The following SLC22A24 variants were observed in gnomAD, a reference collection of about 807,000 sequenced individuals.
The protein encoded by SLC22A24 is solute carrier family 22 member 24, also known as steroid transmembrane transporter SLC22A24.
Under a neutral mutation model 49.8 loss-of-function variants are expected in SLC22A24, and 53 were observed. The observed-to-expected ratio is 1.06, with a 90% CI of 0.85 to 1.34. The LOEUF is 1.34. SLC22A24 is among the 40% of genes most tolerant of loss of function. The probability of loss-of-function intolerance (pLI) is 0.00; values close to 1 mark genes in which losing one functional copy is unlikely to be tolerated. For synonymous variants in SLC22A24, 302 were observed against 256.4 expected, an observed-to-expected ratio of 1.18 and a Z score of -1.70; for missense variants, 786 against 675.9, an observed-to-expected ratio of 1.16 and a Z score of -1.81.
intron 5 of SLC22A24, 169 bp downstream of exon 5, chr11:63,104,006 C>A: frequency 1.7e-6 from 1 of 587,518 alleles, no homozygotes. Context: ...ATTTCAATAT[C>A]TATATCCAAA....
chr11:63,135,316 C>T (rs920054974), intron 1 of SLC22A24, among the ~76,000 whole-genome samples: 1 of 152,142 alleles, frequency 6.6e-6, no homozygotes, highest in Non-Finnish European at 1.5e-5. Flanking sequence ...AATACCGATG[C>T]CTAGATCCTG....
At chr11:63,110,756 G>A (rs369643259) in intron 4 of SLC22A24, among the ~76,000 whole-genome samples, 3,420 of 134,632 alleles carry the variant, frequency 0.025, 48 homozygotes, top group Non-Finnish European at 0.042. Context: ...GGGCTGAGAC[G>A]ATGGGGTTTT....
chr11:63,117,437 T>G (rs966747410), intron 4 of SLC22A24, among the ~76,000 whole-genome samples: 6 of 152,188 alleles, frequency 3.9e-5, no homozygotes, highest in Admixed American at 3.3e-4. Flanking sequence ...TCAGGCAGTT[T>G]ACATCTCTGC....
chr11:63,141,417 A>T (rs1423949043), intron 1 of SLC22A24, among the ~76,000 whole-genome samples: 2 of 152,198 alleles, frequency 1.3e-5, no homozygotes, highest in African/African-American at 4.8e-5. Flanking sequence ...CCTCCATCGG[A>T]GTAAAGGATA....
chr11:63,096,192 CAT>C (rs1399038804), intron 5 of SLC22A24, 86 bp from the exon 6 acceptor site: 12 of 846,082 alleles, frequency 1.4e-5, no homozygotes, highest in Non-Finnish European at 2.1e-5. Context: ...ACAAGATAGA[CAT>C]ATTGTAAACT....
chr11:63,098,208 A>G (rs1299960279), intron 5 of SLC22A24, among the ~76,000 whole-genome samples: 2 of 152,166 alleles, frequency 1.3e-5, no homozygotes, highest in Admixed American at 6.6e-5. Flanking sequence ...ATTAAACAAT[A>G]TGTTCCTGAA....
At chr11:63,095,208 G>A (rs1344943612) in intron 6 of SLC22A24, among the ~76,000 whole-genome samples, 2 of 151,822 alleles carry the variant, frequency 1.3e-5, no homozygotes, top group Non-Finnish European at 2.9e-5. Flanking sequence ...CTAGCCAGTT[G>A]AAGTGCACAT....
chr11:63,119,391 A>G, intron 2 of SLC22A24, 56 bp from the exon 3 acceptor site: 1 of 1,431,216 alleles, frequency 7.0e-7, no homozygotes, highest in Non-Finnish European at 9.3e-7. Flanking sequence ...CACGTGGAAA[A>G]CTTGACAAAC....
In SLC22A24 at chr11:63,081,038, G is replaced by A; in HGVS notation, c.1480C>T (p.Pro494Ser). ...PLLMTLMAYS[P>S]HLPWISYGVF... ...CCATAGGAAATCCAGGGTAGGTGGG[G>A]AGAATACGCCATTAAGGTCATCAAC... The change falls in exon 9 of 10, where the codon CCC becomes TCC. Residue 494 changes from proline (P) to serine (S), a missense_variant. Coordinates refer to ENST00000612278, the MANE Select transcript of SLC22A24 (RefSeq NM_001136506.2). The A allele has an allele frequency of 6.4e-7, 1 of 1,551,678 alleles. No homozygotes were observed. Among genetic ancestry groups the A allele is most frequent in the South Asian group, 1.2e-5 (1 of 84,064 alleles).
chr11:63,119,307 A>G lies in SLC22A24; in HGVS notation c.535T>C (p.Cys179Arg). ...TTAGAGATGGCCAGCTGGAGGAAAC[A>G]CAATTTGCATATGATCTTCCGTCCA... ...RVGRKIICKL[C>R]FLQLAISNTC... The change falls in exon 3 of 10, where the codon TGT becomes CGT. Residue 179 changes from cysteine (C) to arginine (R), a missense_variant. By Grantham distance (180) the Cys-to-Arg change is radical. Coordinates refer to ENST00000612278, the MANE Select transcript of SLC22A24 (RefSeq NM_001136506.2). 1 of 1,549,476 alleles carries G rather than the reference A, an allele frequency of 6.5e-7. No homozygotes were observed. Among genetic ancestry groups the G allele is most frequent in the South Asian group, 1.2e-5 (1 of 83,512 alleles).
At chr11:63,094,575 A>C (rs868470902) in intron 6 of SLC22A24, among the ~76,000 whole-genome samples, 1 of 151,998 alleles carries the variant, frequency 6.6e-6, no homozygotes, top group African/African-American at 2.4e-5. Context: ...CACAATGGTT[A>C]AACTAGTTTA....
intron 1 of SLC22A24, among the ~76,000 whole-genome samples, chr11:63,134,971 T>G (rs1438510697): frequency 6.6e-6 from 1 of 152,184 alleles, no homozygotes; most frequent in Non-Finnish European, 1.5e-5. Flanking sequence ...TTCAAATGCA[T>G]CTGTCTCTCT....
chr11:63,094,989 G>A (rs547320169), intron 6 of SLC22A24, among the ~76,000 whole-genome samples: 1 of 152,000 alleles, frequency 6.6e-6, no homozygotes, highest in African/African-American at 2.4e-5. Flanking sequence ...AGTTTAATTA[G>A]ATCCCATTTG....
intron 9 of SLC22A24, 115 bp from the exon 10 acceptor site, chr11:63,080,115 A>T: frequency 1.6e-6 from 1 of 639,638 alleles, no homozygotes; most frequent in Non-Finnish European, 2.7e-6. Flanking sequence ...ACCCACCAGC[A>T]TTGTAATCCA....
At chr11:63,109,299 A>G (rs74822232) in intron 4 of SLC22A24, among the ~76,000 whole-genome samples, 109,463 of 140,284 alleles carry the variant, frequency 0.78, 43,816 homozygotes, top group East Asian at 0.9. Flanking sequence ...TAATGCCACA[A>G]TAAACATACA....
At chr11:63,103,874 G>A (rs2087105088) in intron 5 of SLC22A24, among the ~76,000 whole-genome samples, 1 of 152,112 alleles carries the variant, frequency 6.6e-6, no homozygotes, top group South Asian at 2.1e-4. Flanking sequence ...AGGGGACCAT[G>A]AGTCAGTAAA....
intron 1 of SLC22A24, among the ~76,000 whole-genome samples, chr11:63,136,678 C>A (rs939694239): frequency 2.3e-4 from 35 of 152,206 alleles, no homozygotes; most frequent in Non-Finnish European, 4.4e-4. Flanking sequence ...TCTGTCTAGG[C>A]AGTGGACAAG....
chr11:63,080,624 G>A (rs777691314), intron 9 of SLC22A24, among the ~76,000 whole-genome samples: 31 of 152,176 alleles, frequency 2.0e-4, no homozygotes, highest in Non-Finnish European at 3.4e-4. Flanking sequence ...AGGAGTGTGT[G>A]TTTCCCACAA....
In SLC22A24 at chr11:63,136,515, T is replaced by C. The variant is rs143270558; in HGVS notation, c.403-1747A>G. ...TTGTGCCTTATCCACCATATTCACC[T>C]GACCTCTTGCCAACTGACTCCCACT... On this transcript the variant is annotated intron_variant, in intron 1 of 9. Coordinates refer to ENST00000612278, the MANE Select transcript of SLC22A24 (RefSeq NM_001136506.2). Among the ~76,000 whole-genome samples the C allele has an allele frequency of 5.3e-5, 8 of 152,364 alleles. No homozygotes were observed. The East Asian group carries it at 1.3e-3, about 26-fold the overall frequency.
Sources: allele counts gnomAD v4.1 joint callset (sites outside exome capture counted in the v4.1 genomes callset), GRCh38; gene constraint gnomAD v4.1.1; transcripts MANE v1.5; gene names NCBI Gene and HGNC (gene_info 2026-07-23, HGNC 2026-07-21).